Variants in GRM7 observed in about 807,000 individuals in gnomAD.
The protein encoded by GRM7 is metabotropic glutamate receptor 7.
A neutral mutation model predicts 84.5 loss-of-function variants in GRM7; 35 were observed. That is an observed-to-expected ratio of 0.41 (90% CI 0.32 to 0.55). The LOEUF (loss-of-function observed/expected upper bound fraction) is 0.55, where lower values mean the gene tolerates loss of function less well. Among genes scored for constraint, GRM7 ranks in the 20% least tolerant of loss-of-function variants. GRM7 has a pLI of 0.19. For synonymous variants in GRM7, 487 were observed against 455.1 expected, an observed-to-expected ratio of 1.07 and a Z score of -0.89; for missense variants, 1,003 against 1,194.6, an observed-to-expected ratio of 0.84 and a Z score of 2.36.
intron 6 of GRM7, among the ~76,000 whole-genome samples, chr3:7,458,614 A>T (rs941500434): frequency 2.6e-5 from 4 of 152,170 alleles, no homozygotes; most frequent in Non-Finnish European, 4.4e-5. Context: ...AGGGCGTGAC[A>T]AGACCGTTTC....
intron 8 of GRM7, among the ~76,000 whole-genome samples, chr3:7,651,669 C>T (rs777493030): frequency 6.6e-6 from 1 of 152,184 alleles, no homozygotes; most frequent in Non-Finnish European, 1.5e-5. Flanking sequence ...ACATTTGGTC[C>T]AAAGAGGTCC....
At chr3:7,071,914 A>C (rs150542842) in intron 1 of GRM7, among the ~76,000 whole-genome samples, 1 of 151,984 alleles carries the variant, frequency 6.6e-6, no homozygotes, top group Non-Finnish European at 1.5e-5. Context: ...TATTTACTCC[A>C]TTTTTCTTAA....
chr3:6,877,220 G>C (rs1282897322), intron 1 of GRM7, among the ~76,000 whole-genome samples: 1 of 152,166 alleles, frequency 6.6e-6, no homozygotes, highest in Non-Finnish European at 1.5e-5. Flanking sequence ...AGAGAAGTCT[G>C]GTACTGGTTT....
rs368220480 is a variant in GRM7, at chr3:7,642,616, C to T, written c.2452-37433C>T. Among the ~76,000 whole-genome samples, 201 of 152,224 alleles carry T rather than the reference C, an allele frequency of 1.3e-3. 4 individuals carry two copies. The South Asian group carries it at 0.039, about 30-fold the overall frequency. ...GTATTAACCACGTGAGTTCCATGCA[C>T]GCTTTAAATAAGGCTGTGCTTACCA... On this transcript the variant is annotated intron_variant, in intron 8 of 9. Transcript: ENST00000357716.
intron 1 of GRM7, among the ~76,000 whole-genome samples, chr3:7,117,097 C>G (rs1216606235): frequency 3.3e-5 from 5 of 152,218 alleles, no homozygotes; most frequent in African/African-American, 1.2e-4. Flanking sequence ...AAGGGGTTAG[C>G]TCCAGGAATA....
At chr3:6,970,539 A>C (rs2125093055) in intron 1 of GRM7, among the ~76,000 whole-genome samples, 1 of 152,368 alleles carries the variant, frequency 6.6e-6, no homozygotes, top group South Asian at 2.1e-4. Context: ...AGCTATGGTA[A>C]GGACTTGGGT....
At chr3:7,554,240 A>G (rs1403388325) in intron 7 of GRM7, among the ~76,000 whole-genome samples, 1 of 152,188 alleles carries the variant, frequency 6.6e-6, no homozygotes, top group Non-Finnish European at 1.5e-5. Flanking sequence ...GGCACTCCTG[A>G]TTATTGAACC....
At chr3:6,974,080 G>C (rs1559361597) in intron 1 of GRM7, among the ~76,000 whole-genome samples, 1 of 152,158 alleles carries the variant, frequency 6.6e-6, no homozygotes, top group Non-Finnish European at 1.5e-5. Context: ...CTGGACACAT[G>C]TTTAAGGTAA....
intron 1 of GRM7, among the ~76,000 whole-genome samples, chr3:6,896,431 A>G (rs1696184837): frequency 6.6e-6 from 1 of 152,194 alleles, no homozygotes; most frequent in South Asian, 2.1e-4. Flanking sequence ...TGACTCCTGG[A>G]TCACTTTCAT....
chr3:7,509,112 C>G (rs1700120416), intron 7 of GRM7, among the ~76,000 whole-genome samples: 1 of 152,096 alleles, frequency 6.6e-6, no homozygotes, highest in Non-Finnish European at 1.5e-5. Flanking sequence ...ATGTGCCACA[C>G]CAGGTATGCT....
At chr3:7,450,806 A>C (rs1438358794) in intron 5 of GRM7, among the ~76,000 whole-genome samples, 1 of 152,162 alleles carries the variant, frequency 6.6e-6, no homozygotes, top group African/African-American at 2.4e-5. Context: ...TTTAAATGAG[A>C]TACATATAAA....
chr3:6,868,712 T>A (rs912094771), intron 1 of GRM7, among the ~76,000 whole-genome samples: 1 of 152,334 alleles, frequency 6.6e-6, no homozygotes, highest in Non-Finnish European at 1.5e-5. Context: ...AGGACTGTTT[T>A]AATACAATTG....
At chr3:7,686,632 AT>A (rs3840233) in intron 9 of GRM7, among the ~76,000 whole-genome samples, 2,759 of 152,236 alleles carry the variant, frequency 0.018, 80 homozygotes, top group East Asian at 0.091. Context: ...TGCCTGCTTA[AT>A]TTTCTAAGGA....
At chr3:7,371,219 C>T (rs1046140507) in intron 4 of GRM7, among the ~76,000 whole-genome samples, 3 of 152,020 alleles carry the variant, frequency 2.0e-5, no homozygotes, top group Admixed American at 6.6e-5. Context: ...GTGTTGTAGC[C>T]GTGGCAGATT....
Position 7,486,594 on chromosome 3 carries a change from A to G in GRM7, c.1515+24872A>G, listed in dbSNP as rs773687486. On this transcript the variant is annotated intron_variant, in intron 7 of 9. Transcript: ENST00000357716. The surrounding 1 kb of genome is among the most constrained non-coding windows in gnomAD (Gnocchi z 5.5). ...TGCCTCACAAGTTTGTTCTCTCTGC[A>G]CACACCTGCTTCTTTCACTTCTCTG... Among the ~76,000 whole-genome samples, 3 of 152,192 alleles carry G rather than the reference A, an allele frequency of 2.0e-5. No individual in the cohort carries two copies. Among genetic ancestry groups the G allele is most frequent in the Non-Finnish European group, 2.9e-5 (2 of 68,034 alleles).
chr3:7,354,513 T>C (rs934717865), intron 4 of GRM7, among the ~76,000 whole-genome samples: 2 of 152,116 alleles, frequency 1.3e-5, no homozygotes, highest in Admixed American at 1.3e-4. Context: ...ATGGAAGCCA[T>C]TAGAGCTGCT....
chr3:7,602,108 CT>C (rs1696345898), intron 8 of GRM7, among the ~76,000 whole-genome samples: 1 of 140,810 alleles, frequency 7.1e-6, no homozygotes, highest in Admixed American at 7.0e-5. Flanking sequence ...AAAAGGCATT[CT>C]GTTTGTTAAA....
intron 9 of GRM7, among the ~76,000 whole-genome samples, chr3:7,723,387 G>A (rs762405253): frequency 2.0e-5 from 3 of 152,108 alleles, no homozygotes; most frequent in Non-Finnish European, 2.9e-5. Context: ...CTAAATTCTA[G>A]TGATGGGAAT....
chr3:7,602,398 TATTA>T (rs978423299), intron 8 of GRM7, among the ~76,000 whole-genome samples: 2 of 152,182 alleles, frequency 1.3e-5, no homozygotes, highest in African/African-American at 4.8e-5. Flanking sequence ...TTGTTCTTCA[TATTA>T]ATTTAGTATC....
Sources: allele counts gnomAD v4.1 joint callset (sites outside exome capture counted in the v4.1 genomes callset), GRCh38; gene constraint gnomAD v4.1.1; non-coding constraint Gnocchi (gnomAD v3.1); transcripts MANE v1.5; gene names NCBI Gene and HGNC (gene_info 2026-07-23, HGNC 2026-07-21).